HMCES: variants seen among roughly 807,000 people sequenced by gnomAD.
The protein encoded by HMCES is abasic site processing protein HMCES.
Under a neutral mutation model 35.1 loss-of-function variants are expected in HMCES, and 27 were observed. That is an observed-to-expected ratio of 0.77 (90% CI 0.57 to 1.06). HMCES has a LOEUF of 1.06. Among genes scored for constraint, HMCES ranks in the 50% least tolerant of loss-of-function variants. HMCES has a pLI of 0.00. For synonymous variants in HMCES, 130 were observed against 154.7 expected (o/e 0.84, Z 1.18); for missense variants, 391 against 430.4 (o/e 0.91, Z 0.81).
intron 5 of HMCES, among the ~76,000 whole-genome samples, chr3:129,301,443 G>A (rs1201982579): frequency 6.6e-6 from 1 of 151,968 alleles, no homozygotes; most frequent in African/African-American, 2.4e-5. Context: ...CACTGCATTG[G>A]CCTGGGACAT....
chr3:129,289,081 A>T, intron 3 of HMCES, 84 bp downstream of exon 3: 1 of 1,080,296 alleles, frequency 9.3e-7, no homozygotes, highest in Admixed American at 2.6e-5. Context: ...TACAGAGGAC[A>T]ACCAAAAATA....
chr3:129,287,831 G>A (rs998285246), intron 2 of HMCES, among the ~76,000 whole-genome samples: 6 of 152,052 alleles, frequency 3.9e-5, no homozygotes, highest in South Asian at 4.1e-4. Flanking sequence ...AGGCTGAGGC[G>A]GGTGGATCAC....
chr3:129,287,905 A>G (rs1940681549), intron 2 of HMCES, among the ~76,000 whole-genome samples: 1 of 151,994 alleles, frequency 6.6e-6, no homozygotes, highest in Non-Finnish European at 1.5e-5. Flanking sequence ...TAAAAATACA[A>G]AAATTAGCTG....
chr3:129,290,952 C>T (rs544900975), intron 4 of HMCES, 148 bp downstream of exon 4: 3 of 714,948 alleles, frequency 4.2e-6, no homozygotes, highest in Admixed American at 6.0e-5. Flanking sequence ...CCTGTGATCC[C>T]AGCACTTTGG....
chr3:129,291,420 A>G (rs2071014165), intron 4 of HMCES, among the ~76,000 whole-genome samples: 1 of 152,218 alleles, frequency 6.6e-6, no homozygotes, highest in South Asian at 2.1e-4. Flanking sequence ...TCAAACACGA[A>G]TCTACTTTCC....
chr3:129,293,806 G>A (rs2071054574), intron 4 of HMCES, among the ~76,000 whole-genome samples: 1 of 151,920 alleles, frequency 6.6e-6, no homozygotes, highest in Non-Finnish European at 1.5e-5. Flanking sequence ...GACCTCAGGT[G>A]ATCCGCCTGC....
intron 2 of HMCES, among the ~76,000 whole-genome samples, chr3:129,286,083 C>G (rs947137217): frequency 6.6e-6 from 1 of 152,184 alleles, no homozygotes; most frequent in Non-Finnish European, 1.5e-5. Flanking sequence ...GATCTTTCCT[C>G]TATACCAGGG....
intron 6 of HMCES, among the ~76,000 whole-genome samples, chr3:129,302,942 GA>G (rs886944066): frequency 1.3e-5 from 2 of 152,018 alleles, no homozygotes; most frequent in Non-Finnish European, 2.9e-5. Flanking sequence ...AAAGACAAAG[GA>G]GCCCTTGACC....
At position 129,279,594 on chromosome 3, in the gene HMCES, C is replaced by A; in HGVS notation, c.-23-116C>A. On this transcript the variant is annotated intron_variant, in intron 1 of 6. Transcript: ENST00000383463. This position sits in a 1 kb window ranked among gnomAD's most constrained non-coding sequence, Gnocchi z 4.2. ...GGGACTTTTTGGGGAAGACTTTAGACGGTGGTCACGGAGGGGCACGGCCCT... is the reference window on the plus strand; with the variant it reads ...GGGACTTTTTGGGGAAGACTTTAGAAGGTGGTCACGGAGGGGCACGGCCCT... The A allele has an allele frequency of 1.0e-6, 1 of 993,412 alleles. No individual in the cohort carries two copies. The highest frequency in any genetic ancestry group is 2.7e-5 in the Admixed American group (1 of 36,738). 61.5% of individuals were successfully genotyped at this position (993,412 alleles called of 1,614,324 possible).
chr3:129,284,228 G>A (rs1008591721), intron 2 of HMCES, among the ~76,000 whole-genome samples: 8 of 152,156 alleles, frequency 5.3e-5, no homozygotes, highest in African/African-American at 2.4e-5. Context: ...CCAGTTTAGT[G>A]CCATGTGTGA....
At chr3:129,282,980 C>G (rs554380545) in intron 2 of HMCES, among the ~76,000 whole-genome samples, 25 of 152,288 alleles carry the variant, frequency 1.6e-4, no homozygotes, top group Admixed American at 1.6e-3. Flanking sequence ...TTTGTGAGAG[C>G]AGAATTCTCA....
chr3:129,295,041 C>A (rs1262561536), intron 4 of HMCES, among the ~76,000 whole-genome samples: 1 of 151,800 alleles, frequency 6.6e-6, no homozygotes, highest in African/African-American at 2.4e-5. Context: ...CACCTGTAGT[C>A]CCAGCTACTT....
intron 3 of HMCES, among the ~76,000 whole-genome samples, chr3:129,289,377 G>A (rs1044788247): frequency 2.0e-5 from 3 of 152,164 alleles, no homozygotes; most frequent in Non-Finnish European, 4.4e-5. Context: ...TGCCTAGCTC[G>A]AGGGTGTCAG....
intron 2 of HMCES, among the ~76,000 whole-genome samples, chr3:129,286,183 T>A (rs1273637968): frequency 1.3e-5 from 2 of 152,266 alleles, no homozygotes; most frequent in African/African-American, 2.4e-5. Context: ...GTTTGAATGT[T>A]TGTGTCCTTG....
intron 4 of HMCES, among the ~76,000 whole-genome samples, chr3:129,293,103 G>A (rs1378921022): frequency 6.6e-6 from 1 of 152,176 alleles, no homozygotes; most frequent in African/African-American, 2.4e-5. Flanking sequence ...AACCAATTCA[G>A]CCAGTTTTGT....
rs2107682791 is a variant in HMCES, at chr3:129,279,399, C to T, written c.-23-311C>T. Among the ~76,000 whole-genome samples the T allele has an allele frequency of 6.6e-6, 1 of 152,318 alleles. No individual in the cohort carries two copies. The highest frequency in any genetic ancestry group is 6.5e-5 in the Admixed American group (1 of 15,304). ...AGTCACCCGGAGGAGGCGACCCCAG[C>T]TAGCTGCGCTTGCCCTGCTTCGCTG... On this transcript the variant is annotated intron_variant, in intron 1 of 6. Coordinates refer to ENST00000383463, the MANE Select transcript of HMCES (RefSeq NM_020187.3). The surrounding 1 kb of genome is among the most constrained non-coding windows in gnomAD (Gnocchi z 4.2).
At position 129,301,191 on chromosome 3, in the gene HMCES, C is replaced by CAAA. The variant is rs11402453; in HGVS notation, c.636-746_636-744dup. On this transcript the variant is annotated intron_variant, in intron 5 of 6. Transcript: ENST00000383463. ...TGGGCAACACAGCAAGACTCTGTCT[C>CAAA]AAAAAAAAAAAAAAAGAAGAAAAAA... Among the ~76,000 whole-genome samples the CAAA allele has an allele frequency of 7.9e-3, 730 of 92,890 alleles. 17 individuals are homozygous for CAAA. The highest frequency in any genetic ancestry group is 0.029 in the African/African-American group (661 of 22,832). 60.9% of individuals were successfully genotyped at this position (92,890 alleles called of 152,430 possible). A position where few individuals can be genotyped will look rare whatever the true frequency, so the allele number is the denominator to read the frequency against.
chr3:129,287,185 A>G (rs1940659562), intron 2 of HMCES, among the ~76,000 whole-genome samples: 1 of 151,136 alleles, frequency 6.6e-6, no homozygotes, highest in Middle Eastern at 3.4e-3. Flanking sequence ...GTATATGTAC[A>G]GTGTTTTTGT....
At position 129,304,856 on chromosome 3, in the gene HMCES, C is replaced by G. The variant is rs373030578; in HGVS notation, c.*31C>G. On this transcript the variant is annotated 3_prime_UTR_variant, in exon 7 of 7. Coordinates refer to ENST00000383463, the MANE Select transcript of HMCES (RefSeq NM_020187.3). ...GACTTTCAGAGACCAAGGCCAGGGT[C>G]TGCTGCACTGCTGTTCTGATAATAG... 6.7e-7 allele frequency: 1 copy of G among 1,491,188 alleles called. No individual in the cohort carries two copies. The highest frequency in any genetic ancestry group is 9.4e-7 in the Non-Finnish European group (1 of 1,069,044). 92.4% of individuals were successfully genotyped at this position (1,491,188 alleles called of 1,614,324 possible). A position where few individuals can be genotyped will look rare whatever the true frequency, so the allele number is the denominator to read the frequency against.
Sources: allele counts gnomAD v4.1 joint callset (sites outside exome capture counted in the v4.1 genomes callset), GRCh38; gene constraint gnomAD v4.1.1; non-coding constraint Gnocchi (gnomAD v3.1); transcripts MANE v1.5; gene names NCBI Gene and HGNC (gene_info 2026-07-23, HGNC 2026-07-21).